Variants in UNC13C observed in about 807,000 individuals in gnomAD.
UNC13C encodes the protein unc-13 homolog C, also known as protein unc-13 homolog C.
UNC13C carries 174 observed loss-of-function variants against 245.4 expected under a neutral mutation model. That is an observed-to-expected ratio of 0.71 (90% CI 0.63 to 0.80). The LOEUF (loss-of-function observed/expected upper bound fraction) is 0.80. Ranked by LOEUF, UNC13C falls within the 30% of genes least tolerant of loss-of-function variation. The probability of loss-of-function intolerance (pLI) is 0.00; values close to 1 mark genes in which losing one functional copy is unlikely to be tolerated. For synonymous variants in UNC13C, 992 were observed against 895.1 expected (o/e 1.11, Z -1.93); for missense variants, 2,829 against 2,602.9 (o/e 1.09, Z -1.89).
intron 27 of UNC13C, among the ~76,000 whole-genome samples, chr15:54,549,234 A>C (rs1228529126): frequency 4.6e-5 from 7 of 152,184 alleles, no homozygotes; most frequent in African/African-American, 1.4e-4. Context: ...TTTTAGAAGG[A>C]GCAATTCCAC....
At chr15:54,503,440 T>C (rs1425963371) in intron 22 of UNC13C, among the ~76,000 whole-genome samples, 1 of 151,416 alleles carries the variant, frequency 6.6e-6, no homozygotes, top group Non-Finnish European at 1.5e-5. Context: ...TTTCCTTTTT[T>C]TTTTTTTTCT....
chr15:54,248,322 CACAA>C (rs2036050568), intron 7 of UNC13C, among the ~76,000 whole-genome samples: 1 of 152,134 alleles, frequency 6.6e-6, no homozygotes. Context: ...ACATTACGCA[CACAA>C]ACACACACAC....
At chr15:53,856,006 G>C in the UNC13C span, among the ~76,000 whole-genome samples, 2 of 151,986 alleles carry the variant, frequency 1.3e-5, no homozygotes, top group East Asian at 3.9e-4. Flanking sequence ...ATTTCTTCTT[G>C]GTTCAGTATT....
chr15:54,265,273 G>T (rs920654077), intron 9 of UNC13C, 82 bp from the exon 10 acceptor site: 2 of 1,194,808 alleles, frequency 1.7e-6, no homozygotes, highest in Non-Finnish European at 2.2e-6. Context: ...AGAACCAAAT[G>T]ACAGAAAAAT....
rs1214826062 is a variant in UNC13C, at chr15:54,609,188, TTGAG to T, written c.6107-13137_6107-13134del. 2.6e-5 allele frequency among the ~76,000 whole-genome samples: 4 copies of T among 152,356 alleles called. No individual in the cohort carries two copies. In the South Asian group the frequency reaches 6.2e-4, roughly 24 times the overall value. On this transcript the variant is annotated intron_variant, in intron 30 of 32. Transcript: ENST00000260323. ...TTTAATGGCTTTTTACTGCTGCTGC[TTGAG>T]TATTTTCCTGGGTGAGCATTCTTGA... is the stretch of plus-strand genomic sequence containing the variant.
the UNC13C span, among the ~76,000 whole-genome samples, chr15:53,870,431 C>G: frequency 7.6e-3 from 1,005 of 131,476 alleles, 17 homozygotes; most frequent in Non-Finnish European, 8.3e-3. Context: ...TCCCACCCCC[C>G]ACCCCCACAC....
intron 30 of UNC13C, among the ~76,000 whole-genome samples, chr15:54,610,975 T>C (rs1232026012): frequency 3.9e-5 from 6 of 152,214 alleles, no homozygotes; most frequent in Non-Finnish European, 8.8e-5. Context: ...AATTTAGCAT[T>C]AAAACTGTTT....
intron 7 of UNC13C, among the ~76,000 whole-genome samples, chr15:54,245,886 A>T (rs1479415277): frequency 6.6e-6 from 1 of 152,084 alleles, no homozygotes; most frequent in Non-Finnish European, 1.5e-5. Flanking sequence ...CACAAGGAGG[A>T]TTATTTCCTC....
chr15:54,203,851 T>TACATATACAC, intron 4 of UNC13C, among the ~76,000 whole-genome samples: 1 of 100,706 alleles, frequency 9.9e-6, no homozygotes, highest in Non-Finnish European at 2.4e-5. Context: ...CATATACACG[T>TACATATACAC]ATATATACAT....
At chr15:54,407,416 TA>T (rs2040317579) in intron 18 of UNC13C, among the ~76,000 whole-genome samples, 1 of 152,160 alleles carries the variant, frequency 6.6e-6, no homozygotes, top group Non-Finnish European at 1.5e-5. Context: ...AGCTAAATAG[TA>T]TTGCCATTAA....
intron 13 of UNC13C, chr15:54,321,600 C>T (rs2038161207): frequency 2.7e-6 from 1 of 372,444 alleles, no homozygotes; most frequent in African/African-American, 2.1e-5. Flanking sequence ...TAACTTTTTT[C>T]AAAGCTTAAC....
chr15:54,003,414 C>T (rs1010601686), intron 1 of UNC13C, among the ~76,000 whole-genome samples: 1 of 152,098 alleles, frequency 6.6e-6, no homozygotes, highest in Admixed American at 6.5e-5. Flanking sequence ...TGGGGTCGGG[C>T]CATGCCAAGA....
chr15:53,888,799 G>T, the UNC13C span, among the ~76,000 whole-genome samples: 1 of 152,076 alleles, frequency 6.6e-6, no homozygotes, highest in East Asian at 1.9e-4. Flanking sequence ...CCATTTATTA[G>T]ATAGGGTATC....
chr15:54,085,321 C>G lies in UNC13C; in HGVS notation c.2984-57697C>G, dbSNP rs139045999. On this transcript the variant is annotated intron_variant, in intron 2 of 32. Transcript: ENST00000260323. ...GCCGGAAGTTTAGTTGCACTTTTGA[C>G]AGGCCCTTAAAGCAAAAGATACAAA... 1.1e-3 allele frequency among the ~76,000 whole-genome samples: 173 copies of G among 152,270 alleles called. 1 individual carries two copies. The highest frequency in any genetic ancestry group is 4.0e-3 in the African/African-American group (168 of 41,564).
intron 19 of UNC13C, among the ~76,000 whole-genome samples, chr15:54,455,883 A>G (rs1891494264): frequency 1.3e-5 from 2 of 152,052 alleles, no homozygotes; most frequent in Non-Finnish European, 1.5e-5. Flanking sequence ...ATTAAATCCC[A>G]TCTATATATC....
chr15:53,998,409 C>T lies in UNC13C; in HGVS notation c.-256-14239C>T, dbSNP rs77834480. ...TTTGATGTTATAATTGATTTTTTAT[C>T]TTATTTTTCAATTTTTTACTGCTAG... On this transcript the variant is annotated intron_variant, in intron 1 of 32. Coordinates refer to ENST00000260323, the MANE Select transcript of UNC13C (RefSeq NM_001080534.3). 1.4e-3 allele frequency among the ~76,000 whole-genome samples: 220 copies of T among 151,886 alleles called. 5 individuals are homozygous for T. The East Asian group carries it at 0.037, about 26-fold the overall frequency.
the UNC13C span, among the ~76,000 whole-genome samples, chr15:53,882,436 A>C: frequency 6.6e-6 from 1 of 152,034 alleles, no homozygotes; most frequent in Non-Finnish European, 1.5e-5. Context: ...CCCAGTCATT[A>C]TTTCTATTTG....
intron 22 of UNC13C, among the ~76,000 whole-genome samples, chr15:54,501,529 T>G (rs1216332257): frequency 1.3e-5 from 2 of 152,176 alleles, no homozygotes; most frequent in African/African-American, 4.8e-5. Flanking sequence ...TGGCTTACCA[T>G]GTGCTTACTA....
chr15:53,888,730 G>A, the UNC13C span, among the ~76,000 whole-genome samples: 22,705 of 152,132 alleles, frequency 0.15, 1,880 homozygotes, highest in East Asian at 0.29. Flanking sequence ...TTTTGTATAA[G>A]GTGTAAGGAA....
Sources: allele counts gnomAD v4.1 joint callset (sites outside exome capture counted in the v4.1 genomes callset), GRCh38; gene constraint gnomAD v4.1.1; transcripts MANE v1.5; gene names NCBI Gene and HGNC (gene_info 2026-07-23, HGNC 2026-07-21).